Variants in RCC1 observed in about 807,000 individuals in gnomAD.
RCC1 encodes the protein regulator of chromosome condensation.
RCC1 carries 11 observed loss-of-function variants against 44.4 expected under a neutral mutation model. The ratio of observed to expected loss-of-function variants is 0.25; its 90% CI spans 0.16 to 0.41. The LOEUF (loss-of-function observed/expected upper bound fraction) is 0.41. RCC1 is among the 10% of genes least tolerant of loss of function. The pLI is 1.00. For missense variants in RCC1, 386 were observed against 547.1 expected, an observed-to-expected ratio of 0.71 and a Z score of 2.94; for synonymous variants, 213 against 216.5, an observed-to-expected ratio of 0.98 and a Z score of 0.14.
intron 5 of RCC1, among the ~76,000 whole-genome samples, chr1:28,531,099 C>T (rs1226634240): frequency 2.6e-5 from 4 of 152,098 alleles, no homozygotes; most frequent in Non-Finnish European, 4.4e-5. Flanking sequence ...CGCGGTGGCG[C>T]GCGCCTGTAG....
Position 28,536,997 on chromosome 1 carries a change from C to A in RCC1, c.1090+98C>A. On this transcript the variant is annotated intron_variant, in intron 12 of 12. Transcript: ENST00000683442. This position sits in a 1 kb window ranked among gnomAD's most constrained non-coding sequence, Gnocchi z 4.9. ...CTGTGATGTCCACTCTCGGGGGAGCCGAGGTACAGAGAGCAGTGTTTGTGA... is the reference window on the plus strand; with the variant it reads ...CTGTGATGTCCACTCTCGGGGGAGCAGAGGTACAGAGAGCAGTGTTTGTGA... The A allele has an allele frequency of 7.3e-7, 1 of 1,363,866 alleles. No individual in the cohort carries two copies. Among genetic ancestry groups the A allele is most frequent in the Non-Finnish European group, 1.0e-6 (1 of 983,374 alleles). The allele number at this position is 1,363,866 out of a possible 1,614,324, so 84.5% of individuals were successfully genotyped here.
At chr1:28,530,514 CTT>C in intron 5 of RCC1, 1 of 1,600,108 alleles carries the variant, frequency 6.2e-7, no homozygotes, top group Non-Finnish European at 8.5e-7. Flanking sequence ...CAGTGTCTGT[CTT>C]TTGCAGACAC....
intron 7 of RCC1, among the ~76,000 whole-genome samples, chr1:28,533,848 T>C (rs1664361568): frequency 1.0e-4 from 1 of 9,590 alleles, no homozygotes; most frequent in African/African-American, 7.1e-4. Flanking sequence ...TTCTTTTCTT[T>C]TTTTTTTTTT....
chr1:28,529,504 G>GGCAGA (rs879819516), intron 4 of RCC1, among the ~76,000 whole-genome samples: 2 of 151,896 alleles, frequency 1.3e-5, no homozygotes, highest in Non-Finnish European at 2.9e-5. Flanking sequence ...CATTCTGCTT[G>GGCAGA]TTTTACTTGG....
intron 4 of RCC1, among the ~76,000 whole-genome samples, chr1:28,525,019 G>A (rs1179272233): frequency 1.3e-5 from 2 of 152,058 alleles, no homozygotes; most frequent in Non-Finnish European, 2.9e-5. Flanking sequence ...CAAGATTCAC[G>A]TCTCCAAAAA....
In RCC1 at chr1:28,506,098, T is replaced by C; in HGVS notation, c.-262+14T>C. On this transcript the variant is annotated intron_variant, in intron 1 of 12. Coordinates refer to ENST00000683442, the MANE Select transcript of RCC1 (RefSeq NM_001381865.2). ...TTCTTCTCCTTGGTAAGTGTGATCC[T>C]TGGTAAGTGTGATCAGATGCTTGCC... The C allele has an allele frequency of 2.2e-6, 1 of 455,760 alleles. No individual in the cohort carries two copies. The highest frequency in any genetic ancestry group is 4.4e-6 in the Non-Finnish European group (1 of 226,708). 28.2% of individuals were successfully genotyped at this position (455,760 alleles called of 1,614,324 possible). A position where few individuals can be genotyped will look rare whatever the true frequency, so the allele number is the denominator to read the frequency against.
intron 4 of RCC1, among the ~76,000 whole-genome samples, chr1:28,528,316 TGTG>T (rs1213758897): frequency 2.0e-5 from 3 of 151,004 alleles, no homozygotes; most frequent in African/African-American, 7.3e-5. Context: ...ATTAGCTGGG[TGTG>T]GTGGTGGGTG....
At position 28,535,268 on chromosome 1, in the gene RCC1, C is replaced by T. The variant is rs1472107001; in HGVS notation, c.549C>T (p.His183=). The T allele has an allele frequency of 3.1e-6, 5 of 1,614,102 alleles. No individual in the cohort carries two copies. The Admixed American group carries it at 8.3e-5, about 27-fold the overall frequency. ...PVVKVASGND[H]LVMLTADGDL... is the part of the protein sequence containing the mutation. ...CCTTTTCATCCTTAGGAAACGACCA[C>T]TTGGTGATGCTGACAGCTGATGGTG... The change falls in exon 9 of 13, where the codon CAC becomes CAT. Residue 183 remains histidine (H), a synonymous_variant. Coordinates refer to ENST00000683442, the MANE Select transcript of RCC1 (RefSeq NM_001381865.2).
chr1:28,536,191 C>T lies in RCC1; in HGVS notation c.818-71C>T. On this transcript the variant is annotated intron_variant, in intron 10 of 12. Coordinates refer to ENST00000683442, the MANE Select transcript of RCC1 (RefSeq NM_001381865.2). This position sits in a 1 kb window ranked among gnomAD's most constrained non-coding sequence, Gnocchi z 4.9. ...CATATCCTGATGGGAGGTGGCCTCACTGTGGGAGGAGATTGAGAAGGGCAG... is the reference window on the plus strand; with the variant it reads ...CATATCCTGATGGGAGGTGGCCTCATTGTGGGAGGAGATTGAGAAGGGCAG... 1 of 1,586,538 alleles carries T rather than the reference C, an allele frequency of 6.3e-7. No homozygotes were observed.
chr1:28,536,291 C>G lies in RCC1; in HGVS notation c.847C>G (p.Pro283Ala). 6.2e-7 allele frequency: 1 copy of G among 1,614,134 alleles called. No homozygotes were observed. The highest frequency in any genetic ancestry group is 8.5e-7 in the Non-Finnish European group (1 of 1,179,982). ...GTPGTESCFIPQNLTSFKNST... is the reference protein window; with the variant it reads ...GTPGTESCFIAQNLTSFKNST... ...TCCGGGCACAGAATCTTGCTTCATA[C>G]CCCAGAACCTAACATCCTTCAAGAA... The change falls in exon 11 of 13, where the codon CCC becomes GCC. Residue 283 changes from proline to alanine, a missense_variant. Coordinates refer to ENST00000683442, the MANE Select transcript of RCC1 (RefSeq NM_001381865.2). The surrounding 1 kb of genome is among the most constrained non-coding windows in gnomAD (Gnocchi z 4.9).
At chr1:28,508,750 GC>G (rs1314389849) in intron 2 of RCC1, 79 bp from the exon 3 acceptor site, 1 of 514,418 alleles carries the variant, frequency 1.9e-6, no homozygotes, top group East Asian at 5.4e-5. Context: ...GACAAACCAT[GC>G]AGGAAACATA....
At position 28,536,223 on chromosome 1, in the gene RCC1, G is replaced by C; in HGVS notation, c.818-39G>C. ...AGGAGATTGAGAAGGGCAGCTCTCAGAACACCTTCACCCCTGATGGCTCCG... is the reference window on the plus strand; with the variant it reads ...AGGAGATTGAGAAGGGCAGCTCTCACAACACCTTCACCCCTGATGGCTCCG... On this transcript the variant is annotated intron_variant, in intron 10 of 12. Coordinates refer to ENST00000683442, the MANE Select transcript of RCC1 (RefSeq NM_001381865.2). This position sits in a 1 kb window ranked among gnomAD's most constrained non-coding sequence, Gnocchi z 4.9. 6.2e-7 allele frequency: 1 copy of C among 1,607,356 alleles called. No individual in the cohort carries two copies. Among genetic ancestry groups the C allele is most frequent in the Non-Finnish European group, 8.5e-7 (1 of 1,176,758 alleles).
chr1:28,524,007 G>A (rs567230518), intron 4 of RCC1, among the ~76,000 whole-genome samples: 2 of 152,292 alleles, frequency 1.3e-5, no homozygotes, highest in African/African-American at 4.8e-5. Flanking sequence ...TAGAGATGGG[G>A]TTCCTCCACG....
intron 4 of RCC1, among the ~76,000 whole-genome samples, chr1:28,525,365 G>A (rs1481957448): frequency 6.6e-6 from 1 of 152,086 alleles, no homozygotes; most frequent in African/African-American, 2.4e-5. Context: ...CAATATGAGG[G>A]GTGGTCTCCT....
At chr1:28,537,230 C>A (rs1263793289) in intron 12 of RCC1, among the ~76,000 whole-genome samples, 2 of 152,090 alleles carry the variant, frequency 1.3e-5, no homozygotes, top group Non-Finnish European at 2.9e-5. Flanking sequence ...GTGACCCCTT[C>A]ATATATCACC....
chr1:28,517,116 G>T, intron 4 of RCC1, among the ~76,000 whole-genome samples: 1 of 149,660 alleles, frequency 6.7e-6, no homozygotes, highest in East Asian at 1.9e-4. Flanking sequence ...AGCAAGACTC[G>T]ATCTCAAAAA....
intron 4 of RCC1, chr1:28,526,357 C>T: frequency 2.7e-6 from 1 of 370,888 alleles, no homozygotes; most frequent in Non-Finnish European, 5.2e-6. Flanking sequence ...ATGAAGAGAC[C>T]TCTTAGTGCA....
At chr1:28,537,032 G>C in intron 12 of RCC1, 133 bp downstream of exon 12, 1 of 928,114 alleles carries the variant, frequency 1.1e-6, no homozygotes, top group South Asian at 1.6e-5. Context: ...ATGGCACTTT[G>C]TTCCTGCTTC....
rs1206910866 is a variant in RCC1 at position 28,508,902 on chromosome 1, G to A, written c.-156G>A. On this transcript the variant is annotated 5_prime_UTR_variant, in exon 3 of 13. Coordinates refer to ENST00000683442, the MANE Select transcript of RCC1 (RefSeq NM_001381865.2). ...TAGGGTCCTTTATATAGAAGGGAGA[G>A]TAGGTAAACTGATTTTTTTTTTTAA... The A allele has an allele frequency of 1.9e-6, 1 of 514,480 alleles. No homozygotes were observed. The highest frequency in any genetic ancestry group is 3.9e-6 in the Non-Finnish European group (1 of 258,900). 31.9% of individuals were successfully genotyped at this position (514,480 alleles called of 1,614,324 possible). A position where few individuals can be genotyped will look rare whatever the true frequency, so the allele number is the denominator to read the frequency against.
Sources: allele counts gnomAD v4.1 joint callset (sites outside exome capture counted in the v4.1 genomes callset), GRCh38; gene constraint gnomAD v4.1.1; non-coding constraint Gnocchi (gnomAD v3.1); transcripts MANE v1.5; gene names NCBI Gene and HGNC (gene_info 2026-07-23, HGNC 2026-07-21).